The following PDILT variants were observed in gnomAD, a reference collection of about 807,000 sequenced individuals.
The protein encoded by PDILT is protein disulfide-isomerase-like protein of the testis.
A neutral mutation model predicts 53.7 loss-of-function variants in PDILT; 43 were observed. The ratio of observed to expected loss-of-function variants is 0.80; its 90% confidence interval spans 0.63 to 1.03. PDILT has a LOEUF of 1.03. Ranked by LOEUF, PDILT falls within the 50% of genes least tolerant of loss-of-function variation. The probability of loss-of-function intolerance (pLI) is 0.00; values close to 1 mark genes in which losing one functional copy is unlikely to be tolerated. For missense variants in PDILT, 727 were observed against 712.3 expected, an observed-to-expected ratio of 1.02 and a Z score of -0.24; for synonymous variants, 282 against 274.2, an observed-to-expected ratio of 1.03 and a Z score of -0.28.
rs147060285 is a variant in PDILT, at chr16:20,359,480, C to T, written c.1594G>A (p.Glu532Lys). The change falls in exon 12 of 12, where the codon GAA (glutamate) becomes AAA (lysine). Residue 532 changes from glutamate to lysine, a missense_variant. Glu to Lys is a moderately conservative substitution (Grantham distance 56). Transcript: ENST00000302451. ...EVPMMRKGLP[E>K]QQSPELENMT... ...TTCTCCAGCTCAGGCGACTGCTGTT[C>T]AGGTAACCCTTTCCTCATCATAGGC... 2.5e-6 allele frequency: 4 copies of T among 1,614,008 alleles called. No individual in the cohort carries two copies. Among genetic ancestry groups the T allele is most frequent in the African/African-American group, 2.7e-5 (2 of 74,922 alleles).
chr16:20,372,856 T>A lies in PDILT; in HGVS notation c.864A>T (p.Ser288=). The A allele has an allele frequency of 6.2e-7, 1 of 1,614,108 alleles. No individual in the cohort carries two copies. Among genetic ancestry groups the A allele is most frequent in the Admixed American group, 1.7e-5 (1 of 60,024 alleles). ...MLLFVSKSSE[S]YGIIIQHYKL... ...TATAATGCTGAATTATGATACCATATGACTCGGAGCTTTTGGAGACAAACA... is the reference window on the plus strand; with the variant it reads ...TATAATGCTGAATTATGATACCATAAGACTCGGAGCTTTTGGAGACAAACA... The change falls in exon 7 of 12, where the codon TCA becomes TCT. Residue 288 remains serine, a synonymous_variant. Coordinates refer to ENST00000302451, the MANE Select transcript of PDILT (RefSeq NM_174924.2).
intron 3 of PDILT, among the ~76,000 whole-genome samples, chr16:20,377,593 G>A (rs796175447): frequency 8.5e-5 from 13 of 152,338 alleles, no homozygotes; most frequent in African/African-American, 3.1e-4. Context: ...CTGTAGCAAA[G>A]ATGCCTGACT....
intron 2 of PDILT, among the ~76,000 whole-genome samples, chr16:20,392,446 T>C (rs1005984669): frequency 6.6e-6 from 1 of 152,096 alleles, no homozygotes; most frequent in African/African-American, 2.4e-5. Flanking sequence ...TGGTCACCCA[T>C]TAAGGATCTG....
At chr16:20,389,727 T>C (rs985783356) in intron 2 of PDILT, among the ~76,000 whole-genome samples, 3 of 152,124 alleles carry the variant, frequency 2.0e-5, no homozygotes, top group East Asian at 1.9e-4. Flanking sequence ...TGGTCTTTAG[T>C]AGAAAACCCC....
At chr16:20,371,712 T>C (rs560357133) in intron 7 of PDILT, among the ~76,000 whole-genome samples, 1 of 151,900 alleles carries the variant, frequency 6.6e-6, no homozygotes, top group South Asian at 2.1e-4. Flanking sequence ...GATTGAAGAG[T>C]TAAAAAAAAT....
intron 7 of PDILT, 133 bp downstream of exon 7, chr16:20,372,669 C>T: frequency 9.6e-7 from 1 of 1,040,796 alleles, no homozygotes; most frequent in Non-Finnish European, 1.4e-6. Context: ...AATCAGAAAA[C>T]TGACAGGCAA....
Position 20,373,124 on chromosome 16 carries a change from T to G in PDILT, c.682-2A>C, listed in dbSNP as rs1407403589. The G allele has an allele frequency of 3.7e-6, 6 of 1,612,594 alleles. No homozygotes were observed. The highest frequency in any genetic ancestry group is 1.3e-5 in the African/African-American group (1 of 74,894). ...CTTTTGGCGGTTCACAATTTTTCCCTTGTACAAAAGGAGAAACATATTGGA... is the reference window on the plus strand; with the variant it reads ...CTTTTGGCGGTTCACAATTTTTCCCGTGTACAAAAGGAGAAACATATTGGA... On this transcript the variant is annotated splice_acceptor_variant, in intron 5 of 11. Transcript: ENST00000302451. LOFTEE classifies it high-confidence loss of function.
At chr16:20,375,737 G>T (rs1966376422) in intron 4 of PDILT, among the ~76,000 whole-genome samples, 2 of 151,298 alleles carry the variant, frequency 1.3e-5, no homozygotes, top group South Asian at 4.1e-4. Flanking sequence ...AGAGAAACTG[G>T]CCTGGCCCAA....
chr16:20,371,448 G>A (rs1393524177), intron 7 of PDILT, among the ~76,000 whole-genome samples: 2 of 152,188 alleles, frequency 1.3e-5, no homozygotes, highest in African/African-American at 4.8e-5. Flanking sequence ...AGGTGCCAGG[G>A]AAATTGAAAA....
intron 2 of PDILT, chr16:20,386,069 C>T (rs1364026303): frequency 6.6e-6 from 1 of 152,136 alleles, no homozygotes; most frequent in African/African-American, 2.4e-5. Flanking sequence ...TGGTGTTCCC[C>T]TGAGTCCACC....
chr16:20,360,326 G>C (rs1758027572), intron 11 of PDILT, among the ~76,000 whole-genome samples: 2 of 152,112 alleles, frequency 1.3e-5, no homozygotes, highest in South Asian at 4.2e-4. Context: ...GCAAGGAGCT[G>C]TGTGTTACCT....
chr16:20,361,208 A>G (rs373398259), intron 10 of PDILT, among the ~76,000 whole-genome samples: 67 of 35,364 alleles, frequency 1.9e-3, no homozygotes, highest in African/African-American at 7.4e-3. Flanking sequence ...TTTTTTTTAT[A>G]TGGAATCTTG....
intron 2 of PDILT, among the ~76,000 whole-genome samples, chr16:20,395,145 TA>T (rs1966646920): frequency 6.6e-6 from 1 of 152,212 alleles, no homozygotes; most frequent in African/African-American, 2.4e-5. Flanking sequence ...AGTTAGCCTA[TA>T]ACCTTGGATC....
At position 20,359,284 on chromosome 16, in the gene PDILT, G is replaced by A. The variant is rs1489417400; in HGVS notation, c.*35C>T. On this transcript the variant is annotated 3_prime_UTR_variant, in exon 12 of 12. Coordinates refer to ENST00000302451, the MANE Select transcript of PDILT (RefSeq NM_174924.2). ...ATTCAGAAAATGATGCCAGGATCTG[G>A]AAAATAAGCATCTTTTTTCCTGGTA... is the stretch of plus-strand genomic sequence containing the variant. 6.2e-7 allele frequency: 1 copy of A among 1,605,780 alleles called. No homozygotes were observed. Among genetic ancestry groups the A allele is most frequent in the Non-Finnish European group, 8.5e-7 (1 of 1,176,622 alleles).
chr16:20,381,884 C>A (rs1966466319), intron 3 of PDILT, among the ~76,000 whole-genome samples: 1 of 152,012 alleles, frequency 6.6e-6, no homozygotes, highest in Non-Finnish European at 1.5e-5. Context: ...TATTCAAAAT[C>A]TAAAACTTTT....
chr16:20,372,317 G>A (rs1966318905), intron 7 of PDILT, among the ~76,000 whole-genome samples: 1 of 152,230 alleles, frequency 6.6e-6, no homozygotes, highest in African/African-American at 2.4e-5. Context: ...CAGAGAAAGA[G>A]AATTTGAACT....
chr16:20,366,983 CCTTCCTTT>C lies in PDILT; in HGVS notation c.1117-1451_1117-1444del, dbSNP rs1308020107. Among the ~76,000 whole-genome samples the C allele has an allele frequency of 1.8e-3, 58 of 32,356 alleles. 1 individual carries two copies. The highest frequency in any genetic ancestry group is 2.5e-3 in the African/African-American group (27 of 10,804). The allele number at this position is 32,356 out of a possible 152,430, so 21.2% of individuals were successfully genotyped here. On this transcript the variant is annotated intron_variant, in intron 8 of 11. Transcript: ENST00000302451. ...TCCTTCCTTCCTTCCTTCCTTCCTT[CCTTCCTTT>C]CTTTCTTTCTTTATTTATTTCTCTC...
chr16:20,386,139 C>T (rs891501895), intron 2 of PDILT: 2 of 152,214 alleles, frequency 1.3e-5, no homozygotes, highest in Middle Eastern at 3.2e-3. Flanking sequence ...ACGCCTTGGC[C>T]CCTCACGTTG....
intron 10 of PDILT, 105 bp from the exon 11 acceptor site, chr16:20,360,762 G>C: frequency 1.2e-6 from 1 of 800,526 alleles, no homozygotes. Flanking sequence ...ACAACCCCGG[G>C]TATGTTATGC....
Sources: gnomAD v4.1 joint callset for allele counts (sites outside exome capture counted in the v4.1 genomes callset) on GRCh38, gnomAD v4.1.1 for gene constraint, MANE v1.5 for transcripts, NCBI Gene and HGNC (gene_info 2026-07-23, HGNC 2026-07-21) for gene names.